ABCB11: variants seen among roughly 807,000 people sequenced by gnomAD.
ABCB11 encodes the protein bile salt export pump.
ABCB11 carries 95 observed loss-of-function variants against 148.0 expected under a neutral mutation model. That is an observed-to-expected ratio of 0.64 (90% CI 0.54 to 0.76). The LOEUF (loss-of-function observed/expected upper bound fraction) is 0.76, where lower values mean the gene tolerates loss of function less well. Among genes scored for constraint, ABCB11 ranks in the 30% least tolerant of loss-of-function variants. ABCB11 has a pLI of 0.00. For missense variants in ABCB11, 1,523 were observed against 1,617.8 expected (o/e 0.94, Z 1.01); for synonymous variants, 591 against 555.4 (o/e 1.06, Z -0.90).
At chr2:168,928,835 A>G (rs1446584773) in intron 25 of ABCB11, among the ~76,000 whole-genome samples, 2 of 152,198 alleles carry the variant, frequency 1.3e-5, no homozygotes, top group African/African-American at 2.4e-5. Flanking sequence ...AAATACTTTC[A>G]AACAAATTTA....
downstream of ABCB11, among the ~76,000 whole-genome samples, chr2:168,920,619 A>T (rs930251294): frequency 3.3e-5 from 5 of 152,238 alleles, 1 homozygote; most frequent in Admixed American, 1.3e-4. Flanking sequence ...ACATTATGAA[A>T]ACATTAGGAA....
At chr2:168,961,526 C>A (rs745542068) in intron 18 of ABCB11, among the ~76,000 whole-genome samples, 9 of 151,630 alleles carry the variant, frequency 5.9e-5, no homozygotes, top group Non-Finnish European at 1.0e-4. Context: ...AATATTTGAT[C>A]CTGACTTGAT....
At chr2:168,940,223 G>T (rs1276473408) in intron 21 of ABCB11, among the ~76,000 whole-genome samples, 1 of 152,034 alleles carries the variant, frequency 6.6e-6, no homozygotes, top group Non-Finnish European at 1.5e-5. Flanking sequence ...TAGGCTAAAA[G>T]TTAGGCCTCA....
intron 16 of ABCB11, among the ~76,000 whole-genome samples, chr2:168,969,091 G>A (rs1693445552): frequency 6.7e-6 from 1 of 148,692 alleles, no homozygotes; most frequent in African/African-American, 2.5e-5. Flanking sequence ...CACACTCTAG[G>A]AAGCCTCTTC....
At chr2:168,941,408 G>A (rs1204908899) in intron 21 of ABCB11, among the ~76,000 whole-genome samples, 1 of 151,972 alleles carries the variant, frequency 6.6e-6, no homozygotes, top group African/African-American at 2.4e-5. Flanking sequence ...CCTCACAGAT[G>A]ACTTTGAGAG....
intron 23 of ABCB11, among the ~76,000 whole-genome samples, chr2:168,934,578 G>A (rs1691732145): frequency 1.3e-5 from 2 of 152,220 alleles, no homozygotes; most frequent in East Asian, 3.8e-4. Context: ...GGAGGAGTCA[G>A]TTGGGAGGAG....
intron 5 of ABCB11, among the ~76,000 whole-genome samples, chr2:168,999,902 G>A (rs774778265): frequency 1.8e-4 from 27 of 152,082 alleles, no homozygotes; most frequent in Admixed American, 6.6e-5. Context: ...TTACTAAACT[G>A]TTTTCCAGGA....
In ABCB11 at chr2:168,968,706, A is replaced by G. The variant is rs138688566; in HGVS notation, c.2012-216T>C. Among the ~76,000 whole-genome samples the G allele has an allele frequency of 2.0e-3, 309 of 151,892 alleles. 5 individuals are homozygous for G. The East Asian group carries it at 0.051, about 25-fold the overall frequency. On this transcript the variant is annotated intron_variant, in intron 16 of 27. Coordinates refer to ENST00000650372, the MANE Select transcript of ABCB11 (RefSeq NM_003742.4). Reference sequence around the variant, plus strand: ...AGCAAGACTGAGTCATTTAAACCATACAATAGCTTGTTACCTCTACAGAAA... The same window carrying G: ...AGCAAGACTGAGTCATTTAAACCATGCAATAGCTTGTTACCTCTACAGAAA...
chr2:168,973,228 G>A (rs947575715), intron 13 of ABCB11, among the ~76,000 whole-genome samples: 6 of 151,986 alleles, frequency 3.9e-5, no homozygotes, highest in African/African-American at 7.2e-5. Flanking sequence ...ACGGGGATAC[G>A]TTCTGAGAAA....
At chr2:168,971,820 C>T (rs1574450557) in intron 14 of ABCB11, 27 bp downstream of exon 14, 1 of 1,606,054 alleles carries the variant, frequency 6.2e-7, no homozygotes, top group East Asian at 2.2e-5. Flanking sequence ...CTCTTAGTTT[C>T]TCCCAGGAAT....
intron 10 of ABCB11, among the ~76,000 whole-genome samples, chr2:168,980,524 CA>C (rs1296289518): frequency 6.6e-6 from 1 of 152,072 alleles, no homozygotes; most frequent in Non-Finnish European, 1.5e-5. Context: ...ACAATAATAA[CA>C]GGTATGTTTC....
intron 18 of ABCB11, among the ~76,000 whole-genome samples, chr2:168,961,518 T>C (rs941286001): frequency 7.9e-5 from 12 of 151,746 alleles, no homozygotes; most frequent in Admixed American, 2.6e-4. Context: ...GGGTGTCTAA[T>C]ATTTGATCCT....
At chr2:168,930,389 T>C (rs551241941) in intron 25 of ABCB11, among the ~76,000 whole-genome samples, 50 of 152,366 alleles carry the variant, frequency 3.3e-4, no homozygotes, top group African/African-American at 1.1e-3. Flanking sequence ...TGAGTGCTTC[T>C]ATTAAATACA....
Position 168,923,532 on chromosome 2 carries a change from C to A in ABCB11, c.*90G>T. The A allele has an allele frequency of 1.7e-6, 2 of 1,170,128 alleles. No homozygotes were observed. Among genetic ancestry groups the A allele is most frequent in the South Asian group, 2.8e-5 (2 of 71,644 alleles). The allele number at this position is 1,170,128 out of a possible 1,614,324, so 72.5% of individuals were successfully genotyped here. ...ATTCTTCTTTAAAGAAAAAACAATCCCAGCAATCCCTCCTGCTGGGATTGT... is the reference window on the plus strand; with the variant it reads ...ATTCTTCTTTAAAGAAAAAACAATCACAGCAATCCCTCCTGCTGGGATTGT... On this transcript the variant is annotated 3_prime_UTR_variant, in exon 28 of 28. Transcript: ENST00000650372.
chr2:168,941,052 C>A (rs900274030), intron 21 of ABCB11, among the ~76,000 whole-genome samples: 9 of 152,048 alleles, frequency 5.9e-5, no homozygotes, highest in African/African-American at 2.2e-4. Flanking sequence ...CGGAGATGTA[C>A]AAGGAGATGA....
chr2:168,990,960 T>C (rs778642355), intron 8 of ABCB11, 35 bp from the exon 9 acceptor site: 11 of 1,606,482 alleles, frequency 6.8e-6, no homozygotes, highest in African/African-American at 1.3e-5. Context: ...AAATGTGAAG[T>C]CCAAGAAATT....
chr2:168,976,443 T>G (rs1693908822), intron 12 of ABCB11, 134 bp downstream of exon 12: 1 of 534,514 alleles, frequency 1.9e-6, no homozygotes, highest in African/African-American at 1.9e-5. Flanking sequence ...CGAGGATACT[T>G]TCAGAGAAAG....
intron 5 of ABCB11, among the ~76,000 whole-genome samples, chr2:169,012,529 G>C (rs1318876194): frequency 6.6e-6 from 1 of 151,914 alleles, no homozygotes; most frequent in East Asian, 1.9e-4. Flanking sequence ...CAGATGACCT[G>C]AGGAGATTGA....
chr2:169,006,002 A>G (rs1695007586), intron 5 of ABCB11, among the ~76,000 whole-genome samples: 1 of 152,190 alleles, frequency 6.6e-6, no homozygotes, highest in Non-Finnish European at 1.5e-5. Flanking sequence ...AATTCTTCAC[A>G]AACTCTTCAA....
Sources: allele counts gnomAD v4.1 joint callset (sites outside exome capture counted in the v4.1 genomes callset), GRCh38; gene constraint gnomAD v4.1.1; transcripts MANE v1.5; gene names NCBI Gene and HGNC (gene_info 2026-07-23, HGNC 2026-07-21).